CNBD1: variants seen among roughly 807,000 people sequenced by gnomAD.
The protein encoded by CNBD1 is cyclic nucleotide-binding domain-containing protein 1.
CNBD1 carries 71 observed loss-of-function variants against 54.4 expected under a neutral mutation model. The observed-to-expected ratio is 1.30, with a 90% CI of 1.08 to 1.59. CNBD1 has a LOEUF of 1.59. Ranked by LOEUF, CNBD1 falls within the 40% of genes most tolerant of loss-of-function variation. CNBD1 has a pLI of 0.00. For synonymous variants in CNBD1, 182 were observed against 170.7 expected, an observed-to-expected ratio of 1.07 and a Z score of -0.51; for missense variants, 659 against 518.0, an observed-to-expected ratio of 1.27 and a Z score of -2.64.
At position 87,382,639 on chromosome 8, in the gene CNBD1, A is replaced by G; in HGVS notation, c.*12A>G. ...TTGCAGTGGCCTAGATCTAGAAACA[A>G]CCTCAGTGAACATTAATTAAGAAAG... On this transcript the variant is annotated 3_prime_UTR_variant, in exon 11 of 11. Transcript: ENST00000518476. The G allele has an allele frequency of 1.3e-6, 2 of 1,525,682 alleles. No homozygotes were observed. The highest frequency in any genetic ancestry group is 1.8e-6 in the Non-Finnish European group (2 of 1,125,648). The allele number at this position is 1,525,682 out of a possible 1,614,324, so 94.5% of individuals were successfully genotyped here.
intron 4 of CNBD1, among the ~76,000 whole-genome samples, chr8:87,064,482 C>G (rs1586231879): frequency 6.6e-6 from 1 of 151,738 alleles, no homozygotes; most frequent in East Asian, 1.9e-4. Flanking sequence ...CCACTGTCTT[C>G]TTTGTTGAAT....
rs562257539 is a variant in CNBD1 at position 87,235,629 on chromosome 8, A to G, written c.578-1290A>G. Among the ~76,000 whole-genome samples the G allele has an allele frequency of 2.6e-5, 4 of 152,262 alleles. No individual in the cohort carries two copies. The South Asian group carries it at 8.3e-4, about 31-fold the overall frequency. ...AGTTTGCGGTGCCCAAAACAATTAC[A>G]TCAATGGTAACATCAATGATCACTG... is the stretch of plus-strand genomic sequence containing the variant. On this transcript the variant is annotated intron_variant, in intron 5 of 10. Coordinates refer to ENST00000518476, the MANE Select transcript of CNBD1 (RefSeq NM_173538.3).
chr8:87,053,226 A>G (rs1455613362), intron 4 of CNBD1, among the ~76,000 whole-genome samples: 1 of 152,216 alleles, frequency 6.6e-6, no homozygotes, highest in African/African-American at 2.4e-5. Context: ...GGAACTTTGA[A>G]TCATTTGCCC....
chr8:87,177,023 G>A (rs1813215302), intron 4 of CNBD1, among the ~76,000 whole-genome samples: 1 of 152,148 alleles, frequency 6.6e-6, no homozygotes, highest in Admixed American at 6.5e-5. Context: ...CTTGAAATCT[G>A]AGGCTCATGT....
chr8:87,361,101 T>A (rs1810516396), intron 10 of CNBD1, among the ~76,000 whole-genome samples: 1 of 151,958 alleles, frequency 6.6e-6, no homozygotes, highest in African/African-American at 2.4e-5. Context: ...CTCTTTCCCC[T>A]TTTGCGTTTT....
intron 5 of CNBD1, among the ~76,000 whole-genome samples, chr8:87,231,343 A>G (rs1814685751): frequency 6.6e-6 from 1 of 152,178 alleles, no homozygotes. Flanking sequence ...CAAGAATGAG[A>G]CAGAGAGGGG....
At chr8:87,270,596 A>G (rs1171848801) in intron 6 of CNBD1, among the ~76,000 whole-genome samples, 2 of 151,998 alleles carry the variant, frequency 1.3e-5, no homozygotes, top group African/African-American at 2.4e-5. Context: ...CATTCAACCC[A>G]GCAATCCCAT....
At chr8:87,379,397 G>A (rs1319722085) in intron 10 of CNBD1, among the ~76,000 whole-genome samples, 1 of 151,808 alleles carries the variant, frequency 6.6e-6, no homozygotes, top group African/African-American at 2.4e-5. Flanking sequence ...GACATCTACA[G>A]AACTCTCCAC....
intron 8 of CNBD1, among the ~76,000 whole-genome samples, chr8:87,339,658 T>C: frequency 6.6e-6 from 1 of 152,148 alleles, no homozygotes; most frequent in African/African-American, 2.4e-5. Flanking sequence ...TTCCTTCAGG[T>C]TTTCTTTTCT....
intron 4 of CNBD1, among the ~76,000 whole-genome samples, chr8:87,205,617 C>A (rs1215031859): frequency 2.0e-5 from 3 of 151,988 alleles, no homozygotes; most frequent in Non-Finnish European, 4.4e-5. Flanking sequence ...GTGGAAACAA[C>A]ATTAATCTTT....
intron 8 of CNBD1, among the ~76,000 whole-genome samples, chr8:87,344,681 A>T (rs1187963358): frequency 6.6e-6 from 1 of 151,874 alleles, no homozygotes; most frequent in Non-Finnish European, 1.5e-5. Flanking sequence ...TTGTGAAATT[A>T]ATCAGGTACG....
intron 6 of CNBD1, among the ~76,000 whole-genome samples, chr8:87,281,842 A>G (rs989987425): frequency 4.6e-5 from 7 of 151,186 alleles, no homozygotes; most frequent in South Asian, 2.1e-4. Flanking sequence ...AATATTTTCA[A>G]TCTGGTGGAT....
At chr8:87,029,264 G>A (rs10955170) in intron 4 of CNBD1, among the ~76,000 whole-genome samples, 4,549 of 152,198 alleles carry the variant, frequency 0.03, 227 homozygotes, top group African/African-American at 0.1. Context: ...TACGTGAAAA[G>A]TGGAGCATAG....
intron 10 of CNBD1, among the ~76,000 whole-genome samples, chr8:87,380,667 T>G (rs1811055337): frequency 6.7e-6 from 1 of 148,812 alleles, no homozygotes; most frequent in Admixed American, 6.6e-5. Context: ...GTCTTTTCAT[T>G]TGTTTGTGTT....
chr8:86,876,489 C>T (rs575387998), intron 1 of CNBD1, among the ~76,000 whole-genome samples: 16 of 151,696 alleles, frequency 1.1e-4, no homozygotes, highest in African/African-American at 3.4e-4. Context: ...CTGTGGTTTA[C>T]TTTTTCCTTT....
intron 2 of CNBD1, among the ~76,000 whole-genome samples, chr8:87,406,672 G>T (rs993259120): frequency 2.0e-5 from 3 of 151,960 alleles, no homozygotes; most frequent in African/African-American, 7.3e-5. Context: ...TAGAGATGGG[G>T]TTTCACCATG....
chr8:86,938,990 A>G (rs1809601463), intron 3 of CNBD1, among the ~76,000 whole-genome samples: 1 of 152,146 alleles, frequency 6.6e-6, no homozygotes. Context: ...TTTTTCTTAA[A>G]CACAGACAGC....
At chr8:87,112,181 C>T (rs79137179) in intron 4 of CNBD1, among the ~76,000 whole-genome samples, 2,135 of 152,252 alleles carry the variant, frequency 0.014, 51 homozygotes, top group African/African-American at 0.048. Context: ...GAATCTCTCC[C>T]ATATTTAATG....
intron 10 of CNBD1, among the ~76,000 whole-genome samples, chr8:87,376,165 A>C (rs532318569): frequency 6.6e-6 from 1 of 151,936 alleles, no homozygotes; most frequent in Non-Finnish European, 1.5e-5. Context: ...TACTGCTTCA[A>C]TGCATTACCA....
Sources: allele counts gnomAD v4.1 joint callset (sites outside exome capture counted in the v4.1 genomes callset), GRCh38; gene constraint gnomAD v4.1.1; transcripts MANE v1.5; gene names NCBI Gene and HGNC (gene_info 2026-07-23, HGNC 2026-07-21).